The following NAT10 variants were observed in gnomAD, a reference collection of about 807,000 sequenced individuals.
NAT10 encodes N-acetyltransferase 10, also known as RNA cytidine acetyltransferase.
In NAT10, 109 loss-of-function variants were observed where a neutral mutation model predicts 132.2. That is an observed-to-expected ratio of 0.82 (90% CI 0.71 to 0.97). NAT10 has a LOEUF of 0.97. NAT10 is among the 50% of genes least tolerant of loss of function. The probability of loss-of-function intolerance (pLI) is 0.00; values close to 1 mark genes in which losing one functional copy is unlikely to be tolerated. For missense variants in NAT10, 1,184 were observed against 1,263.4 expected, an observed-to-expected ratio of 0.94 and a Z score of 0.95; for synonymous variants, 479 against 478.0, an observed-to-expected ratio of 1.00 and a Z score of -0.03.
At position 34,141,408 on chromosome 11, in the gene NAT10, T is replaced by TCTCACACA. The variant is rs72268617; in HGVS notation, c.2712+201_2712+202insTCACACAC. On this transcript the variant is annotated intron_variant, in intron 25 of 28. Transcript: ENST00000257829. Reference sequence around the variant, plus strand: ...TGTGTTTGCTGCATCTCATCACACATCACACACACACACACACACACACAC... The same window carrying TCTCACACA: ...TGTGTTTGCTGCATCTCATCACACATCTCACACACACACACACACACACACACACACAC... Among the ~76,000 whole-genome samples the TCTCACACA allele has an allele frequency of 4.8e-4, 64 of 132,960 alleles. 1 individual carries two copies. In the East Asian group the frequency reaches 0.011, roughly 23 times the overall value. The allele number at this position is 132,960 out of a possible 152,430, so 87.2% of individuals were successfully genotyped here. A position where few individuals can be genotyped will look rare whatever the true frequency, so the allele number is the denominator to read the frequency against.
At chr11:34,116,962 C>G (rs1851794124) in intron 6 of NAT10, among the ~76,000 whole-genome samples, 2 of 152,100 alleles carry the variant, frequency 1.3e-5, no homozygotes, top group Middle Eastern at 3.2e-3. Context: ...AACTCCTGAC[C>G]TCAAGTGATC....
intron 23 of NAT10, 89 bp from the exon 24 acceptor site, chr11:34,140,311 T>C (rs1852297614): frequency 1.6e-6 from 2 of 1,255,114 alleles, no homozygotes; most frequent in South Asian, 2.8e-5. Flanking sequence ...TAGATGCTCC[T>C]GTGTGTTAGG....
intron 5 of NAT10, among the ~76,000 whole-genome samples, chr11:34,114,645 T>C (rs755227063): frequency 2.0e-5 from 3 of 152,210 alleles, no homozygotes; most frequent in Non-Finnish European, 4.4e-5. Context: ...CCCACTGGAA[T>C]GTGCTTCCTC....
intron 11 of NAT10, among the ~76,000 whole-genome samples, chr11:34,125,566 G>C (rs544400681): frequency 6.6e-6 from 1 of 152,186 alleles, no homozygotes; most frequent in African/African-American, 2.4e-5. Context: ...CACCTCCCCT[G>C]GGGGGCTGCT....
intron 3 of NAT10, among the ~76,000 whole-genome samples, chr11:34,110,322 A>T (rs1565105954): frequency 1.3e-5 from 2 of 151,358 alleles, no homozygotes; most frequent in East Asian, 3.9e-4. Context: ...TTCTTTGCTC[A>T]TGCTGTCTCC....
intron 28 of NAT10, among the ~76,000 whole-genome samples, chr11:34,144,907 C>G (rs561672656): frequency 6.6e-6 from 1 of 152,338 alleles, no homozygotes; most frequent in East Asian, 1.9e-4. Flanking sequence ...TCTCTAGGAA[C>G]TATAGATCCC....
chr11:34,119,001 T>C (rs568438033), intron 8 of NAT10, among the ~76,000 whole-genome samples: 34 of 152,356 alleles, frequency 2.2e-4, no homozygotes, highest in African/African-American at 7.5e-4. Flanking sequence ...TTTGATGATA[T>C]AAAGGCTTTT....
At chr11:34,133,283 C>T (rs990455243) in intron 16 of NAT10, 141 bp downstream of exon 16, 4 of 683,600 alleles carry the variant, frequency 5.9e-6, no homozygotes, top group African/African-American at 1.8e-5. Flanking sequence ...TCTGCTGAGA[C>T]AGGTGACTAG....
At chr11:34,138,869 C>T in intron 21 of NAT10, 1 of 300,684 alleles carries the variant, frequency 3.3e-6, no homozygotes, top group Non-Finnish European at 6.4e-6. Flanking sequence ...TCAGCATCTA[C>T]CTGAGAGGAG....
chr11:34,136,361 C>T (rs556568427), intron 19 of NAT10, among the ~76,000 whole-genome samples: 25 of 152,330 alleles, frequency 1.6e-4, no homozygotes, highest in African/African-American at 5.3e-4. Flanking sequence ...GGATTACAGG[C>T]ATGAGCCACC....
At chr11:34,110,260 A>G (rs1851669764) in intron 3 of NAT10, among the ~76,000 whole-genome samples, 1 of 151,982 alleles carries the variant, frequency 6.6e-6, no homozygotes, top group African/African-American at 2.4e-5. Context: ...TCTGACTCTG[A>G]AAGCCTGTCT....
chr11:34,108,823 G>C lies in NAT10; in HGVS notation c.190G>C (p.Gly64Arg). 2 of 1,613,088 alleles carry C rather than the reference G, an allele frequency of 1.2e-6. No individual in the cohort carries two copies. Among genetic ancestry groups the C allele is most frequent in the South Asian group, 2.2e-5 (2 of 90,856 alleles). Residue 64 changes from glycine to arginine, a missense_variant, in exon 3 of 29, where the codon GGG becomes CGG. Physicochemically the swap from Gly to Arg is moderately radical, Grantham distance 125. Coordinates refer to ENST00000257829, the MANE Select transcript of NAT10 (RefSeq NM_024662.3). ...GCTGTGGTGTTATAAGAAAGAGCTG[G>C]GGTTTAGCAGGTAAGCTGGGCTCTT... ...SVLWCYKKEL[G>R]FSSHRKKRMR...
At chr11:34,124,273 A>C in intron 10 of NAT10, 29 bp from the exon 11 acceptor site, 2 of 1,465,412 alleles carry the variant, frequency 1.4e-6, no homozygotes, top group South Asian at 1.2e-5. Context: ...TTGTTTCTAA[A>C]GTTTGTCATT....
rs1851823803 is a variant in NAT10, at chr11:34,118,468, G to GGT, written c.750_751dup (p.Leu251CysfsTer9). 2 of 1,613,942 alleles carry GGT rather than the reference G, an allele frequency of 1.2e-6. No homozygotes were observed. Among genetic ancestry groups the GGT allele is most frequent in the African/African-American group, 1.3e-5 (1 of 74,928 alleles). On this transcript the variant is annotated frameshift_variant, in exon 8 of 29. Transcript: ENST00000257829. LOFTEE classifies it high-confidence loss of function. ...GAGCTTGCAGGACACCCAGCCTGTG[G>GGT]GTGTGTTGGTGGACTGCTGTAAGAC... is the stretch of plus-strand genomic sequence containing the variant.
At chr11:34,145,580 G>A (rs947091071) in intron 28 of NAT10, among the ~76,000 whole-genome samples, 2 of 152,072 alleles carry the variant, frequency 1.3e-5, no homozygotes, top group African/African-American at 4.8e-5. Flanking sequence ...CTGTTGTTTG[G>A]GTTTTCTTCT....
chr11:34,120,091 TTCA>T (rs1266847928), intron 8 of NAT10, among the ~76,000 whole-genome samples: 2 of 152,044 alleles, frequency 1.3e-5, no homozygotes, highest in African/African-American at 4.8e-5. Flanking sequence ...GGGTACCTTC[TTCA>T]TATAATTATT....
chr11:34,111,398 T>C (rs78814337), intron 3 of NAT10, among the ~76,000 whole-genome samples: 1 of 152,340 alleles, frequency 6.6e-6, no homozygotes, highest in African/African-American at 2.4e-5. Flanking sequence ...AAAATTTTGA[T>C]CAGCTGTAAT....
At chr11:34,142,159 G>A (rs1346901914) in intron 26 of NAT10, 116 bp from the exon 27 acceptor site, 4 of 970,954 alleles carry the variant, frequency 4.1e-6, no homozygotes, top group African/African-American at 1.6e-5. Context: ...GCAGGTAGAT[G>A]GAAGAGAAGG....
chr11:34,145,536 T>TC (rs1318495037), intron 28 of NAT10, among the ~76,000 whole-genome samples: 9 of 152,324 alleles, frequency 5.9e-5, no homozygotes, highest in African/African-American at 1.7e-4. Flanking sequence ...CAATGAAGAA[T>TC]CCAGGGGCTG....
Sources: allele counts gnomAD v4.1 joint callset (sites outside exome capture counted in the v4.1 genomes callset), GRCh38; gene constraint gnomAD v4.1.1; transcripts MANE v1.5; gene names NCBI Gene and HGNC (gene_info 2026-07-23, HGNC 2026-07-21).